CAND1: variants seen among roughly 807,000 people sequenced by gnomAD.
CAND1 encodes the protein cullin associated and neddylation dissociated 1, also known as cullin-associated NEDD8-dissociated protein 1.
Under a neutral mutation model 108.5 loss-of-function variants are expected in CAND1, and 7 were observed. That is an observed-to-expected ratio of 0.06 (90% CI 0.04 to 0.12). CAND1 has a LOEUF of 0.12. CAND1 is among the 10% of genes least tolerant of loss of function. The pLI, the probability that CAND1 is intolerant of heterozygous loss-of-function variation, is 1.00. For missense variants in CAND1, 941 were observed against 1,448.7 expected (o/e 0.65, Z 5.69); for synonymous variants, 534 against 512.0 (o/e 1.04, Z -0.58).
At chr12:67,279,727 T>A (rs949067901) in intron 1 of CAND1, among the ~76,000 whole-genome samples, 1 of 152,174 alleles carries the variant, frequency 6.6e-6, no homozygotes, top group African/African-American at 2.4e-5. Flanking sequence ...GTCCAGAGTT[T>A]CTTACATAAT....
rs1207787710 is a variant in CAND1 at position 67,316,329 on chromosome 12, A to C, written c.*3499A>C. 6.6e-6 allele frequency: 1 copy of C among 152,252 alleles called. No homozygotes were observed. Among genetic ancestry groups the C allele is most frequent in the African/African-American group, 2.4e-5 (1 of 41,470 alleles). 9.4% of individuals were successfully genotyped at this position (152,252 alleles called of 1,614,324 possible). A position where few individuals can be genotyped will look rare whatever the true frequency, so the allele number is the denominator to read the frequency against. On this transcript the variant is annotated 3_prime_UTR_variant, in exon 15 of 15. Transcript: ENST00000545606. ...GAAGTATTTGGCTACAGGCTACCCA[A>C]ATCTCATCAGATAAGGCTGTTTTCT...
chr12:67,318,700 G>A lies in CAND1; in HGVS notation c.*5870G>A, dbSNP rs747505032. ...TTCATTTAGCAAGCCAATTTATTACGCGCTTAGGGTGCTGCCAGGGCTACA... is the reference window on the plus strand; with the variant it reads ...TTCATTTAGCAAGCCAATTTATTACACGCTTAGGGTGCTGCCAGGGCTACA... On this transcript the variant is annotated 3_prime_UTR_variant, in exon 15 of 15. Transcript: ENST00000545606. 3.3e-5 allele frequency: 5 copies of A among 152,054 alleles called. No homozygotes were observed. Among genetic ancestry groups the A allele is most frequent in the South Asian group, 2.1e-4 (1 of 4,820 alleles). 9.4% of individuals were successfully genotyped at this position (152,054 alleles called of 1,614,324 possible). A position where few individuals can be genotyped will look rare whatever the true frequency, so the allele number is the denominator to read the frequency against.
At chr12:67,311,823 C>A in intron 14 of CAND1, 23 bp downstream of exon 14, 2 of 1,365,240 alleles carry the variant, frequency 1.5e-6, no homozygotes, top group Non-Finnish European at 1.0e-6. Flanking sequence ...AAGTATCAAC[C>A]TAGGTCAGAC....
At chr12:67,286,061 G>A (rs964153762) in intron 2 of CAND1, among the ~76,000 whole-genome samples, 3 of 152,078 alleles carry the variant, frequency 2.0e-5, no homozygotes, top group Non-Finnish European at 4.4e-5. Context: ...TGGCTGGAGT[G>A]CAGTGGCTGG....
intron 1 of CAND1, among the ~76,000 whole-genome samples, chr12:67,272,555 T>C (rs960541106): frequency 1.3e-5 from 2 of 152,236 alleles, no homozygotes; most frequent in Admixed American, 6.5e-5. Context: ...AAAATTGTAA[T>C]ATTTCTTTTG....
chr12:67,285,291 G>T (rs2044659743), intron 2 of CAND1, among the ~76,000 whole-genome samples: 1 of 152,186 alleles, frequency 6.6e-6, no homozygotes, highest in African/African-American at 2.4e-5. Context: ...ACTTGAACAA[G>T]CAGAGAGATA....
rs1447059572 is a variant in CAND1, at chr12:67,319,087, A to G, written c.*6257A>G. The G allele has an allele frequency of 6.6e-6, 1 of 152,204 alleles. No homozygotes were observed. The allele number at this position is 152,204 out of a possible 1,614,324, so 9.4% of individuals were successfully genotyped here. A position where few individuals can be genotyped will look rare whatever the true frequency, so the allele number is the denominator to read the frequency against. ...TCCCAGGTTCTAATGCTGTTCCCCAAGGCCACACCTTGGAAACCACCACAT... is the reference window on the plus strand; with the variant it reads ...TCCCAGGTTCTAATGCTGTTCCCCAGGGCCACACCTTGGAAACCACCACAT... On this transcript the variant is annotated 3_prime_UTR_variant, in exon 15 of 15. Transcript: ENST00000545606.
At chr12:67,307,705 T>C (rs1364779451) in intron 11 of CAND1, among the ~76,000 whole-genome samples, 1 of 152,122 alleles carries the variant, frequency 6.6e-6, no homozygotes, top group Non-Finnish European at 1.5e-5. Flanking sequence ...AATGAAGTTA[T>C]AATATACCAG....
intron 2 of CAND1, among the ~76,000 whole-genome samples, chr12:67,285,021 A>C (rs774000289): frequency 1.8e-4 from 27 of 152,194 alleles, no homozygotes; most frequent in Non-Finnish European, 3.8e-4. Context: ...GTGAGGTAGG[A>C]TGTAAAATTT....
chr12:67,274,749 C>T (rs776400190), intron 1 of CAND1, among the ~76,000 whole-genome samples: 5 of 152,024 alleles, frequency 3.3e-5, no homozygotes, highest in Non-Finnish European at 5.9e-5. Flanking sequence ...GTTTATATTA[C>T]CAGATTTATT....
Position 67,297,524 on chromosome 12 carries a change from T to A in CAND1, c.609T>A (p.Val203=). The A allele has an allele frequency of 6.2e-7, 1 of 1,614,132 alleles. No homozygotes were observed. Among genetic ancestry groups the A allele is most frequent in the Non-Finnish European group, 8.5e-7 (1 of 1,180,004 alleles). The change falls in exon 5 of 15, where the codon GTT becomes GTA. Residue 203 remains valine, a synonymous_variant. Transcript: ENST00000545606. The part of the protein sequence containing the change: ...KRTIIALGHL[V]MSCGNIVFVD... The stretch of plus-strand genomic sequence containing the variant: ...CCATTATCGCTCTTGGCCATCTGGT[T>A]ATGAGCTGTGGAAATATAGTTTTTG...
rs985082970 is a variant in CAND1 at position 67,278,197 on chromosome 12, C to T, written c.69-3713C>T. 3.2e-4 allele frequency among the ~76,000 whole-genome samples: 48 copies of T among 152,202 alleles called. 1 individual carries two copies. The highest frequency in any genetic ancestry group is 1.1e-3 in the African/African-American group (45 of 41,548). On this transcript the variant is annotated intron_variant, in intron 1 of 14. Coordinates refer to ENST00000545606, the MANE Select transcript of CAND1 (RefSeq NM_018448.5). ...TTTTGCTCAGGCTGGGGTGCAGTGA[C>T]GTGATCTTGACTCACTGCAACCTCC...
chr12:67,291,790 G>A (rs183284039), intron 2 of CAND1, among the ~76,000 whole-genome samples: 1 of 152,276 alleles, frequency 6.6e-6, no homozygotes, highest in East Asian at 1.9e-4. Flanking sequence ...TTAGATGAGG[G>A]ATGCTAAATC....
chr12:67,298,161 G>A (rs976693469), intron 6 of CAND1, among the ~76,000 whole-genome samples: 2 of 152,104 alleles, frequency 1.3e-5, no homozygotes, highest in African/African-American at 4.8e-5. Context: ...AAGCCCAGCA[G>A]GATAAATTAT....
chr12:67,269,659 G>GGCAGCGGCAGCGGGCA lies in CAND1; in HGVS notation c.-53_-38dup. 6.9e-7 allele frequency: 1 copy of GGCAGCGGCAGCGGGCA among 1,455,438 alleles called. No homozygotes were observed. The highest frequency in any genetic ancestry group is 1.2e-5 in the South Asian group (1 of 84,614). The allele number at this position is 1,455,438 out of a possible 1,614,324, so 90.2% of individuals were successfully genotyped here. On this transcript the variant is annotated 5_prime_UTR_variant, in exon 1 of 15. Transcript: ENST00000545606. ...GAGCTCCAGTGGCGGCGGCGGCGGC[G>GGCAGCGGCAGCGGGCA]GCAGCGGCAGCGGGCAGCAGCTCCA...
chr12:67,293,151 C>T (rs906484408), intron 3 of CAND1: 3 of 209,026 alleles, frequency 1.4e-5, no homozygotes, highest in African/African-American at 4.8e-5. Context: ...TTTTACTTTG[C>T]GTCAGTATTT....
rs926540693 is a variant in CAND1 at position 67,317,841 on chromosome 12, A to C, written c.*5011A>C. On this transcript the variant is annotated 3_prime_UTR_variant, in exon 15 of 15. Coordinates refer to ENST00000545606, the MANE Select transcript of CAND1 (RefSeq NM_018448.5). ...GCCCCTGTTTCAGACTATTATATCCAACCACCTGCTATACATCTCATAAAG... is the reference window on the plus strand; with the variant it reads ...GCCCCTGTTTCAGACTATTATATCCCACCACCTGCTATACATCTCATAAAG... 6.6e-6 allele frequency: 1 copy of C among 152,216 alleles called. No individual in the cohort carries two copies. The highest frequency in any genetic ancestry group is 6.5e-5 in the Admixed American group (1 of 15,282). 9.4% of individuals were successfully genotyped at this position (152,216 alleles called of 1,614,324 possible).
At chr12:67,291,334 A>G (rs1309488981) in intron 2 of CAND1, among the ~76,000 whole-genome samples, 1 of 152,238 alleles carries the variant, frequency 6.6e-6, no homozygotes, top group Non-Finnish European at 1.5e-5. Context: ...AGACAAGTAT[A>G]TAAAAGGCAC....
chr12:67,296,205 C>T (rs943112855), intron 4 of CAND1, among the ~76,000 whole-genome samples: 17 of 151,988 alleles, frequency 1.1e-4, no homozygotes, highest in African/African-American at 2.4e-4. Context: ...GATTTAATCA[C>T]GAACACTGAT....
Sources: gnomAD v4.1 joint callset for allele counts (sites outside exome capture counted in the v4.1 genomes callset) on GRCh38, gnomAD v4.1.1 for gene constraint, MANE v1.5 for transcripts, NCBI Gene and HGNC (gene_info 2026-07-23, HGNC 2026-07-21) for gene names.